CHRNA3: variants seen among roughly 807,000 people sequenced by gnomAD.
CHRNA3 encodes the protein neuronal acetylcholine receptor subunit alpha-3.
In CHRNA3, 34 loss-of-function variants were observed where a neutral mutation model predicts 41.9. That is an observed-to-expected ratio of 0.81 (90% confidence interval 0.62 to 1.08). The LOEUF (loss-of-function observed/expected upper bound fraction) is 1.08, where lower values mean the gene tolerates loss of function less well. CHRNA3 is among the 50% of genes least tolerant of loss of function. The probability of loss-of-function intolerance (pLI) is 0.00; values close to 1 mark genes in which losing one functional copy is unlikely to be tolerated. For synonymous variants in CHRNA3, 281 were observed against 265.2 expected (o/e 1.06, Z -0.58); for missense variants, 542 against 638.3 (o/e 0.85, Z 1.63).
Position 78,601,783 on chromosome 15 carries a change from G to A in CHRNA3, c.859C>T (p.Leu287Phe). 1 of 1,614,160 alleles carries A rather than the reference G, an allele frequency of 6.2e-7. No homozygotes were observed. The highest frequency in any genetic ancestry group is 2.2e-5 in the East Asian group (1 of 44,888). ...GGGATGGTCTCAGTGATCACCAGGA[G>A]AAACACCGTCAGGGAGAGGAGGACA... is the stretch of plus-strand genomic sequence containing the variant. ...ISVLLSLTVF[L>F]LVITETIPST... Residue 287 changes from leucine (L) to phenylalanine (F), a missense_variant, in exon 5 of 6, where the codon CTC (leucine) becomes TTC (phenylalanine). Physicochemically the swap from Leu to Phe is conservative, Grantham distance 22 (BLOSUM62 0). Transcript: ENST00000326828.
At chr15:78,608,344 C>T (rs930139143) in intron 4 of CHRNA3, among the ~76,000 whole-genome samples, 26 of 152,160 alleles carry the variant, frequency 1.7e-4, no homozygotes, top group Middle Eastern at 3.2e-3. Context: ...CTCACACGGC[C>T]GGGTACTCCT....
At chr15:78,608,220 T>A (rs1057092245) in intron 4 of CHRNA3, among the ~76,000 whole-genome samples, 1 of 152,188 alleles carries the variant, frequency 6.6e-6, no homozygotes, top group African/African-American at 2.4e-5. Flanking sequence ...GAGTAATGGT[T>A]CTCCCAGCAC....
chr15:78,617,007 G>GC lies in CHRNA3; in HGVS notation c.377+16dup. 1 of 1,581,112 alleles carries GC rather than the reference G, an allele frequency of 6.3e-7. No individual in the cohort carries two copies. Among genetic ancestry groups the GC allele is most frequent in the Non-Finnish European group, 8.7e-7 (1 of 1,153,156 alleles). On this transcript the variant is annotated intron_variant, in intron 4 of 5. Transcript: ENST00000326828. Reference sequence around the variant, plus strand: ...GGCTGACAGCCCTGAGAGGGCGTGGGCCCCCCAGCACCTTACTTGTTATAC... The same window carrying GC: ...GGCTGACAGCCCTGAGAGGGCGTGGGCCCCCCCAGCACCTTACTTGTTATAC...
In CHRNA3 at chr15:78,596,180, G is replaced by T. The variant is rs201779387; in HGVS notation, c.*424C>A. The T allele has an allele frequency of 1.0e-6, 1 of 985,836 alleles. No homozygotes were observed. Among genetic ancestry groups the T allele is most frequent in the African/African-American group, 1.7e-5 (1 of 57,358 alleles). 61.1% of individuals were successfully genotyped at this position (985,836 alleles called of 1,614,324 possible). A position where few individuals can be genotyped will look rare whatever the true frequency, so the allele number is the denominator to read the frequency against. On this transcript the variant is annotated 3_prime_UTR_variant, in exon 6 of 6. Coordinates refer to ENST00000326828, the MANE Select transcript of CHRNA3 (RefSeq NM_000743.5). Reference sequence around the variant, plus strand: ...AAATGGGTAACGATGGGGGATTGCTGAATTAGTATAAACCTTCAAAGAGAT... The same window carrying T: ...AAATGGGTAACGATGGGGGATTGCTTAATTAGTATAAACCTTCAAAGAGAT...
At chr15:78,619,282 T>C (rs2053513432) in intron 1 of CHRNA3, 1 of 263,630 alleles carries the variant, frequency 3.8e-6, no homozygotes, top group Admixed American at 5.0e-5. Flanking sequence ...TATAAACGTA[T>C]CCACCTCAAA....
chr15:78,620,722 G>C lies in CHRNA3; in HGVS notation c.73C>G (p.Leu25Val), dbSNP rs983411710. The C allele has an allele frequency of 6.8e-7, 1 of 1,473,670 alleles. No homozygotes were observed. The highest frequency in any genetic ancestry group is 1.7e-5 in the African/African-American group (1 of 57,732). The allele number at this position is 1,473,670 out of a possible 1,614,324, so 91.3% of individuals were successfully genotyped here. ...PRLLLLLLLS[L>V]LPVARASEAE... Reference sequence around the variant, plus strand: ...ACGCCTGTGCGCGTACCTGGCAGCAGAGACAGCAGCAGCAGCAGCAGCAGC... The same window carrying C: ...ACGCCTGTGCGCGTACCTGGCAGCACAGACAGCAGCAGCAGCAGCAGCAGC... The change falls in exon 1 of 6, where the codon CTG (leucine) becomes GTG (valine). Residue 25 changes from leucine (L) to valine (V), a missense_variant. Coordinates refer to ENST00000326828, the MANE Select transcript of CHRNA3 (RefSeq NM_000743.5).
intron 5 of CHRNA3, among the ~76,000 whole-genome samples, chr15:78,600,286 G>A (rs1048417123): frequency 6.6e-6 from 1 of 152,044 alleles, no homozygotes; most frequent in Non-Finnish European, 1.5e-5. Context: ...TGTTTCCCAG[G>A]CTGGTCTCAA....
rs766872584 is a variant in CHRNA3, at chr15:78,601,292, A to G, written c.1350T>C (p.Tyr450=). The change falls in exon 5 of 6, where the codon TAT becomes TAC. Residue 450 remains tyrosine (Y), a synonymous_variant. Transcript: ENST00000326828. Reference sequence around the variant, plus strand: ...TTTGTGCTTTCATATTTTCAGCAATATACTTGACACTTTGGATGGCTTCTT... The same window carrying G: ...TTTGTGCTTTCATATTTTCAGCAATGTACTTGACACTTTGGATGGCTTCTT... ...EIKEAIQSVK[Y]IAENMKAQNE... is the part of the protein sequence containing the mutation. 1.9e-6 allele frequency: 3 copies of G among 1,614,096 alleles called. No homozygotes were observed. Among genetic ancestry groups the G allele is most frequent in the South Asian group, 1.1e-5 (1 of 91,080 alleles).
chr15:78,615,599 C>A (rs1208029234), intron 4 of CHRNA3, among the ~76,000 whole-genome samples: 1 of 152,186 alleles, frequency 6.6e-6, no homozygotes, highest in East Asian at 1.9e-4. Context: ...CCTAGGCCTA[C>A]CCAGACCCAC....
chr15:78,595,381 T>C lies in CHRNA3; in HGVS notation c.*1223A>G. On this transcript the variant is annotated 3_prime_UTR_variant, in exon 6 of 6. Coordinates refer to ENST00000326828, the MANE Select transcript of CHRNA3 (RefSeq NM_000743.5). Reference sequence around the variant, plus strand: ...AGATTCAAACAGTCTCTGTGAATCATCTGTCAGTGGTGATGATCACGTTAA... The same window carrying C: ...AGATTCAAACAGTCTCTGTGAATCACCTGTCAGTGGTGATGATCACGTTAA... 1 of 957,180 alleles carries C rather than the reference T, an allele frequency of 1.0e-6. No individual in the cohort carries two copies. The highest frequency in any genetic ancestry group is 1.2e-6 in the Non-Finnish European group (1 of 805,540). 59.3% of individuals were successfully genotyped at this position (957,180 alleles called of 1,614,324 possible).
At chr15:78,598,645 A>G (rs570645898) in intron 5 of CHRNA3, among the ~76,000 whole-genome samples, 6 of 152,168 alleles carry the variant, frequency 3.9e-5, no homozygotes, top group Admixed American at 2.0e-4. Flanking sequence ...GGTTCAAGCA[A>G]TTCTCCTGCC....
chr15:78,603,893 T>C (rs1050822732), intron 4 of CHRNA3, among the ~76,000 whole-genome samples: 2 of 151,468 alleles, frequency 1.3e-5, no homozygotes, highest in Admixed American at 1.3e-4. Context: ...AAGGGAGAGG[T>C]AGGAGGGTGG....
intron 4 of CHRNA3, among the ~76,000 whole-genome samples, chr15:78,604,498 C>T (rs371758390): frequency 6.6e-6 from 1 of 152,182 alleles, no homozygotes; most frequent in Admixed American, 6.5e-5. Context: ...GCTGATGGCT[C>T]ATTTCTGGGG....
chr15:78,608,541 T>A (rs1376868522), intron 4 of CHRNA3, among the ~76,000 whole-genome samples: 1 of 152,142 alleles, frequency 6.6e-6, no homozygotes, highest in Non-Finnish European at 1.5e-5. Context: ...GAAGGAAAAC[T>A]AACAAACAGA....
chr15:78,596,594 A>G lies in CHRNA3; in HGVS notation c.*10T>C. 2 of 1,559,464 alleles carry G rather than the reference A, an allele frequency of 1.3e-6. No individual in the cohort carries two copies. The highest frequency in any genetic ancestry group is 2.5e-5 in the South Asian group (2 of 81,090). On this transcript the variant is annotated 3_prime_UTR_variant, in exon 6 of 6. Transcript: ENST00000326828. ...AAGGAAGTCTCCCAGGCAGGCACACAGCTTAGTGCTTATGCATCTTCCCTG... is the reference window on the plus strand; with the variant it reads ...AAGGAAGTCTCCCAGGCAGGCACACGGCTTAGTGCTTATGCATCTTCCCTG...
In CHRNA3 at chr15:78,601,787, C is replaced by T. The variant is rs2053203492; in HGVS notation, c.855G>A (p.Val285=). 6.2e-7 allele frequency: 1 copy of T among 1,614,152 alleles called. No homozygotes were observed. Among genetic ancestry groups the T allele is most frequent in the Non-Finnish European group, 8.5e-7 (1 of 1,180,034 alleles). Residue 285 remains valine (V), a synonymous_variant, in exon 5 of 6, where the codon GTG becomes GTA. Transcript: ENST00000326828. ...LCISVLLSLT[V]FLLVITETIP... ...TGGTCTCAGTGATCACCAGGAGAAA[C>T]ACCGTCAGGGAGAGGAGGACAGAAA...
At chr15:78,603,730 AAGG>A (rs560508635) in intron 4 of CHRNA3, among the ~76,000 whole-genome samples, 135 of 152,176 alleles carry the variant, frequency 8.9e-4, no homozygotes, top group Non-Finnish European at 1.6e-3. Context: ...ATTACCCATG[AAGG>A]CTCAATGCCA....
chr15:78,594,128 C>T (rs1324901847), downstream of CHRNA3: 4 of 152,148 alleles, frequency 2.6e-5, no homozygotes, highest in African/African-American at 7.2e-5. Context: ...ATTGGGAACT[C>T]CTTTAAGGCT....
At chr15:78,606,154 C>G (rs2053283108) in intron 4 of CHRNA3, among the ~76,000 whole-genome samples, 1 of 151,832 alleles carries the variant, frequency 6.6e-6, no homozygotes, top group African/African-American at 2.4e-5. Flanking sequence ...AACCCCGTCT[C>G]TACCAAAAAT....
Sources: gnomAD v4.1 joint callset for allele counts (sites outside exome capture counted in the v4.1 genomes callset) on GRCh38, gnomAD v4.1.1 for gene constraint, MANE v1.5 for transcripts, NCBI Gene and HGNC (gene_info 2026-07-23, HGNC 2026-07-21) for gene names.